Variants in NOS1AP observed in about 807,000 individuals in gnomAD.
The protein encoded by NOS1AP is nitric oxide synthase 1 adaptor protein.
NOS1AP carries 21 observed loss-of-function variants against 56.2 expected under a neutral mutation model. That is an observed-to-expected ratio of 0.37 (90% CI 0.26 to 0.54). The LOEUF is 0.54. Ranked by LOEUF, NOS1AP falls within the 20% of genes least tolerant of loss-of-function variation. The pLI is 0.84. For synonymous variants in NOS1AP, 270 were observed against 274.6 expected (o/e 0.98, Z 0.17); for missense variants, 522 against 657.8 (o/e 0.79, Z 2.26).
intron 5 of NOS1AP, among the ~76,000 whole-genome samples, chr1:162,340,889 A>G (rs1657087786): frequency 6.6e-6 from 1 of 152,226 alleles, no homozygotes; most frequent in African/African-American, 2.4e-5. Flanking sequence ...CTTTGGGCTT[A>G]TAGATGGTTG....
chr1:162,089,631 T>G (rs796878818), intron 1 of NOS1AP, among the ~76,000 whole-genome samples: 12 of 152,324 alleles, frequency 7.9e-5, no homozygotes, highest in African/African-American at 2.9e-4. Context: ...CTGGATTATC[T>G]GGGTGGGCTT....
chr1:162,328,019 CTG>C (rs1656648789), intron 4 of NOS1AP, among the ~76,000 whole-genome samples: 1 of 152,174 alleles, frequency 6.6e-6, no homozygotes, highest in Admixed American at 6.5e-5. Flanking sequence ...GATTATGTAA[CTG>C]AGTTTTTTGC....
At chr1:162,302,805 C>T (rs1332986372) in intron 4 of NOS1AP, among the ~76,000 whole-genome samples, 1 of 152,200 alleles carries the variant, frequency 6.6e-6, no homozygotes, top group Non-Finnish European at 1.5e-5. Context: ...TCATTTCTCT[C>T]CCACTTTTTC....
chr1:162,070,299 G>GA lies in NOS1AP; in HGVS notation c.105+18dup, dbSNP rs750177155. ...GAGGCCAAGGTGAGGGGGCTCCGGG[G>GA]AGGGTGCTACCTGTGGTGGCGGTTG... On this transcript the variant is annotated intron_variant, in intron 1 of 9. Transcript: ENST00000361897. 1.2e-6 allele frequency: 2 copies of GA among 1,601,940 alleles called. No homozygotes were observed. Among genetic ancestry groups the GA allele is most frequent in the Non-Finnish European group, 1.7e-6 (2 of 1,169,590 alleles).
At position 162,311,579 on chromosome 1, in the gene NOS1AP, TTC is replaced by T. The variant is rs1184414876; in HGVS notation, c.344+10875_344+10876del. Reference sequence around the variant, plus strand: ...CTCCTTCTTTCTTTCACCCTTTGTTTTCTTTTTTTTTTTTAATTATACTTTAA... The same window carrying T: ...CTCCTTCTTTCTTTCACCCTTTGTTTTTTTTTTTTTTTAATTATACTTTAA... On this transcript the variant is annotated intron_variant, in intron 4 of 9. Coordinates refer to ENST00000361897, the MANE Select transcript of NOS1AP (RefSeq NM_014697.3). 3.8e-3 allele frequency among the ~76,000 whole-genome samples: 573 copies of T among 152,000 alleles called. 3 individuals carry two copies. Among genetic ancestry groups the T allele is most frequent in the Non-Finnish European group, 5.2e-3 (350 of 67,960 alleles).
intron 1 of NOS1AP, among the ~76,000 whole-genome samples, chr1:162,079,860 A>C (rs906642334): frequency 9.9e-5 from 15 of 152,256 alleles, no homozygotes; most frequent in African/African-American, 2.9e-4. Context: ...AGCTGCAGCT[A>C]CTCTGATTCC....
At chr1:162,210,206 G>A (rs1378494017) in intron 2 of NOS1AP, among the ~76,000 whole-genome samples, 2 of 152,134 alleles carry the variant, frequency 1.3e-5, no homozygotes, top group Admixed American at 6.6e-5. Context: ...TTTGCAGTGT[G>A]GAGTAGGCTG....
chr1:162,295,625 C>T (rs1180686794), intron 3 of NOS1AP, among the ~76,000 whole-genome samples: 5 of 151,936 alleles, frequency 3.3e-5, no homozygotes, highest in Non-Finnish European at 7.4e-5. Flanking sequence ...ACTTGCAAAA[C>T]ATAGGCAATA....
intron 9 of NOS1AP, among the ~76,000 whole-genome samples, 190 bp downstream of exon 9, chr1:162,365,759 C>T (rs1658066295): frequency 6.6e-6 from 1 of 152,282 alleles, no homozygotes; most frequent in Admixed American, 6.5e-5. Flanking sequence ...CAAAGGAGAT[C>T]TCGGGTGCCT....
At chr1:162,233,937 A>G (rs1247482188) in intron 2 of NOS1AP, among the ~76,000 whole-genome samples, 2 of 152,218 alleles carry the variant, frequency 1.3e-5, no homozygotes, top group Non-Finnish European at 2.9e-5. Flanking sequence ...AAAATTCAAC[A>G]GTTAGGGAAG....
intron 8 of NOS1AP, among the ~76,000 whole-genome samples, chr1:162,359,766 G>C (rs1657832137): frequency 6.6e-6 from 1 of 152,048 alleles, no homozygotes; most frequent in Non-Finnish European, 1.5e-5. Context: ...GCTCTTACTT[G>C]TTCTGTCAGA....
rs1653924707 is a variant in NOS1AP, at chr1:162,253,237, C to A, written c.178-34107C>A. Among the ~76,000 whole-genome samples the A allele has an allele frequency of 2.6e-5, 4 of 152,260 alleles. No individual in the cohort carries two copies. The South Asian group carries it at 8.3e-4, about 32-fold the overall frequency. On this transcript the variant is annotated intron_variant, in intron 2 of 9. Transcript: ENST00000361897. ...TTCTTCCTTCCGCCATGGGACGATG[C>A]AGCAAGAAGGTCCTTGTCAGATGCC...
chr1:162,158,146 C>A lies in NOS1AP; in HGVS notation c.177+3670C>A, dbSNP rs188289954. ...ATGGACACTCTATACCCATTAAACACAATTCCCCTTCCCCCTCTTGCCAGC... is the reference window on the plus strand; with the variant it reads ...ATGGACACTCTATACCCATTAAACAAAATTCCCCTTCCCCCTCTTGCCAGC... On this transcript the variant is annotated intron_variant, in intron 2 of 9. Coordinates refer to ENST00000361897, the MANE Select transcript of NOS1AP (RefSeq NM_014697.3). Among the ~76,000 whole-genome samples, 274 of 152,300 alleles carry A rather than the reference C, an allele frequency of 1.8e-3. 2 individuals are homozygous for A. Among genetic ancestry groups the A allele is most frequent in the Admixed American group, 4.1e-3 (62 of 15,294 alleles).
chr1:162,185,398 A>C (rs1215876923), intron 2 of NOS1AP, among the ~76,000 whole-genome samples: 1 of 152,240 alleles, frequency 6.6e-6, no homozygotes, highest in African/African-American at 2.4e-5. Flanking sequence ...CTGTGGTAAC[A>C]TAATTCCGCC....
At chr1:162,361,717 C>G (rs1657909578) in intron 8 of NOS1AP, among the ~76,000 whole-genome samples, 1 of 152,234 alleles carries the variant, frequency 6.6e-6, no homozygotes, top group African/African-American at 2.4e-5. Flanking sequence ...AGCATTTTCT[C>G]ATGGCACTTG....
rs150436797 is a variant in NOS1AP at position 162,095,799 on chromosome 1, G to A, written c.105+25517G>A. On this transcript the variant is annotated intron_variant, in intron 1 of 9. Coordinates refer to ENST00000361897, the MANE Select transcript of NOS1AP (RefSeq NM_014697.3). ...AGTCACTTAATCTTTGTCAGCTTCA[G>A]TTTTTTAACTGATAGAATGAAGTAA... Among the ~76,000 whole-genome samples, 15 of 152,302 alleles carry A rather than the reference G, an allele frequency of 9.8e-5. 1 individual carries two copies. Among genetic ancestry groups the A allele is most frequent in the African/African-American group, 2.6e-4 (11 of 41,582 alleles).
chr1:162,224,072 C>T (rs959457133), intron 2 of NOS1AP, among the ~76,000 whole-genome samples: 2 of 151,840 alleles, frequency 1.3e-5, no homozygotes, highest in African/African-American at 4.8e-5. Context: ...ACTTTGCATT[C>T]ACAGGTTTAA....
intron 4 of NOS1AP, among the ~76,000 whole-genome samples, chr1:162,314,722 G>A (rs764759590): frequency 1.3e-5 from 2 of 152,072 alleles, no homozygotes; most frequent in African/African-American, 2.4e-5. Context: ...TTTCTCCATA[G>A]GAAAAAAATC....
chr1:162,350,089 C>A (rs987975002), intron 6 of NOS1AP, among the ~76,000 whole-genome samples: 1 of 152,210 alleles, frequency 6.6e-6, no homozygotes, highest in Non-Finnish European at 1.5e-5. Context: ...CTTGAGCGCC[C>A]AGAGTTGAAC....
Sources: allele counts gnomAD v4.1 joint callset (sites outside exome capture counted in the v4.1 genomes callset), GRCh38; gene constraint gnomAD v4.1.1; transcripts MANE v1.5; gene names NCBI Gene and HGNC (gene_info 2026-07-23, HGNC 2026-07-21).